PHF20L1: variants seen among roughly 807,000 people sequenced by gnomAD.
PHF20L1 encodes PHD finger protein 20 like 1.
A neutral mutation model predicts 125.5 loss-of-function variants in PHF20L1; 44 were observed. The observed-to-expected ratio is 0.35, with a 90% CI of 0.28 to 0.45. PHF20L1 has a LOEUF of 0.45. Among genes scored for constraint, PHF20L1 ranks in the 20% least tolerant of loss-of-function variants. PHF20L1 has a pLI of 1.00. For synonymous variants in PHF20L1, 380 were observed against 403.1 expected (o/e 0.94, Z 0.69); for missense variants, 1,012 against 1,217.2 (o/e 0.83, Z 2.51).
intron 4 of PHF20L1, among the ~76,000 whole-genome samples, 189 bp downstream of exon 4, chr8:132,795,006 C>G: frequency 6.6e-6 from 1 of 152,028 alleles, no homozygotes; most frequent in East Asian, 1.9e-4. Flanking sequence ...GGTTTGCTAC[C>G]TAAGTAGTGT....
chr8:132,811,042 C>G lies in PHF20L1; in HGVS notation c.848-4C>G. 6.3e-7 allele frequency: 1 copy of G among 1,582,514 alleles called. No individual in the cohort carries two copies. The highest frequency in any genetic ancestry group is 8.7e-7 in the Non-Finnish European group (1 of 1,151,502). ...TAAGCAATTTCTGTACAATTTTTCT[C>G]AAGGTTTGTTGGCATCCAAAGCTGT... On this transcript the variant is annotated splice_region_variant and splice_polypyrimidine_tract_variant and intron_variant, in intron 8 of 20. Transcript: ENST00000395386.
intron 2 of PHF20L1, among the ~76,000 whole-genome samples, chr8:132,787,865 A>G (rs756043216): frequency 9.9e-5 from 15 of 152,122 alleles, no homozygotes; most frequent in Non-Finnish European, 1.5e-4. Context: ...TTTGGGTTAC[A>G]TTCTGTGTTA....
intron 6 of PHF20L1, among the ~76,000 whole-genome samples, chr8:132,800,780 A>G (rs1272577666): frequency 6.6e-6 from 1 of 151,622 alleles, no homozygotes; most frequent in Non-Finnish European, 1.5e-5. Flanking sequence ...TTCTGCTTGC[A>G]TTAAGAGTTT....
chr8:132,776,824 C>T (rs991791715), intron 1 of PHF20L1, among the ~76,000 whole-genome samples: 2 of 152,170 alleles, frequency 1.3e-5, no homozygotes, highest in Non-Finnish European at 2.9e-5. Flanking sequence ...ACGGATCTCT[C>T]CTCGCCCCTG....
At chr8:132,801,183 C>G (rs1485568637) in intron 6 of PHF20L1, among the ~76,000 whole-genome samples, 1 of 151,648 alleles carries the variant, frequency 6.6e-6, no homozygotes, top group African/African-American at 2.4e-5. Context: ...CCTTTTCTCT[C>G]ATTTCTTCTT....
chr8:132,781,303 T>C (rs993612243), intron 2 of PHF20L1, among the ~76,000 whole-genome samples: 10 of 152,190 alleles, frequency 6.6e-5, no homozygotes, highest in Non-Finnish European at 1.2e-4. Flanking sequence ...AGTATGTTAT[T>C]ATTGCTTGAA....
chr8:132,797,255 A>C (rs1563797064), intron 4 of PHF20L1, among the ~76,000 whole-genome samples: 1 of 152,116 alleles, frequency 6.6e-6, no homozygotes, highest in Non-Finnish European at 1.5e-5. Context: ...TCAGAAGGGC[A>C]AAAGAAGCCA....
At chr8:132,812,221 G>C in intron 9 of PHF20L1, 1 of 979,484 alleles carries the variant, frequency 1.0e-6, no homozygotes, top group Non-Finnish European at 1.2e-6. Flanking sequence ...CAACGTCCCA[G>C]ATATAACAAT....
rs558009274 is a variant in PHF20L1, at chr8:132,835,836, T to G, written c.1910-704T>G. Among the ~76,000 whole-genome samples the G allele has an allele frequency of 2.0e-5, 3 of 152,220 alleles. No homozygotes were observed. In the South Asian group the frequency reaches 6.2e-4, roughly 32 times the overall value. ...CAAGTTATATATCCTGTGTTTAAAG[T>G]GCTTAATATAGCACTGTGTGCTTAC... On this transcript the variant is annotated intron_variant, in intron 15 of 20. Transcript: ENST00000395386.
intron 2 of PHF20L1, among the ~76,000 whole-genome samples, chr8:132,788,298 C>A (rs958320782): frequency 2.1e-4 from 32 of 152,106 alleles, no homozygotes; most frequent in African/African-American, 7.2e-4. Flanking sequence ...ATGAATTAGA[C>A]ATCCTATTGG....
chr8:132,778,002 A>G, intron 2 of PHF20L1, 91 bp downstream of exon 2: 1 of 783,954 alleles, frequency 1.3e-6, no homozygotes, highest in Non-Finnish European at 2.2e-6. Context: ...TGATGGTAGC[A>G]GAAACATCAG....
intron 8 of PHF20L1, chr8:132,807,318 G>T: frequency 6.1e-6 from 1 of 162,836 alleles, no homozygotes; most frequent in Admixed American, 6.2e-5. Flanking sequence ...ATTTTACTTA[G>T]AAAACTAGTA....
chr8:132,782,018 G>A (rs993948745), intron 2 of PHF20L1, among the ~76,000 whole-genome samples: 7 of 152,060 alleles, frequency 4.6e-5, no homozygotes, highest in South Asian at 2.1e-4. Flanking sequence ...AGACTTTGAC[G>A]TGCTAATGTT....
intron 16 of PHF20L1, 36 bp from the exon 17 acceptor site, chr8:132,837,676 G>T: frequency 6.6e-7 from 1 of 1,508,520 alleles, no homozygotes; most frequent in South Asian, 1.1e-5. Flanking sequence ...TCCTAGTGAG[G>T]ATCGGGTGAC....
chr8:132,837,848 C>G, intron 17 of PHF20L1, 37 bp downstream of exon 17: 1 of 1,388,716 alleles, frequency 7.2e-7, no homozygotes, highest in Non-Finnish European at 1.0e-6. Context: ...GCCAGGATGC[C>G]TCTATGTCTC....
At chr8:132,836,823 T>C (rs1412148387) in intron 16 of PHF20L1, 102 bp downstream of exon 16, 2 of 808,766 alleles carry the variant, frequency 2.5e-6, no homozygotes, top group Non-Finnish European at 4.0e-6. Flanking sequence ...CTACTGAAGA[T>C]AGTGGTTTCT....
In PHF20L1 at chr8:132,824,061, G is replaced by A; in HGVS notation, c.1636+1G>A. The stretch of plus-strand genomic sequence containing the variant: ...GAAGACAAAAGCTCAACAGCATTTG[G>A]TATGAACAGAAAGTAATCTTTAAGC... On this transcript the variant is annotated splice_donor_variant, in intron 13 of 20. Coordinates refer to ENST00000395386, the MANE Select transcript of PHF20L1 (RefSeq NM_016018.5). LOFTEE classifies it high-confidence loss of function. The A allele has an allele frequency of 1.3e-6, 2 of 1,581,908 alleles. No individual in the cohort carries two copies. The highest frequency in any genetic ancestry group is 1.7e-6 in the Non-Finnish European group (2 of 1,153,284).
intron 2 of PHF20L1, among the ~76,000 whole-genome samples, chr8:132,790,725 A>G (rs1414984296): frequency 2.6e-5 from 4 of 152,178 alleles, no homozygotes; most frequent in Admixed American, 2.0e-4. Flanking sequence ...GAGTCATGTG[A>G]TGGTTTTAAG....
chr8:132,794,976 T>A (rs898846221), intron 4 of PHF20L1, among the ~76,000 whole-genome samples, 159 bp downstream of exon 4: 4 of 152,162 alleles, frequency 2.6e-5, no homozygotes, highest in Non-Finnish European at 5.9e-5. Context: ...TTATGTGTTA[T>A]CGAGAATAAA....
Sources: gnomAD v4.1 joint callset for allele counts (sites outside exome capture counted in the v4.1 genomes callset) on GRCh38, gnomAD v4.1.1 for gene constraint, MANE v1.5 for transcripts, NCBI Gene and HGNC (gene_info 2026-07-23, HGNC 2026-07-21) for gene names.